The following PLA2G4A variants were observed in gnomAD, a reference collection of about 807,000 sequenced individuals.
The protein encoded by PLA2G4A is cytosolic phospholipase A2.
PLA2G4A carries 40 observed loss-of-function variants against 81.9 expected under a neutral mutation model. The ratio of observed to expected loss-of-function variants is 0.49; its 90% CI spans 0.38 to 0.64. PLA2G4A has a LOEUF of 0.64. PLA2G4A is among the 30% of genes least tolerant of loss of function. PLA2G4A has a pLI of 0.00. For synonymous variants in PLA2G4A, 302 were observed against 296.9 expected (o/e 1.02, Z -0.18); for missense variants, 715 against 905.1 (o/e 0.79, Z 2.69).
intron 5 of PLA2G4A, among the ~76,000 whole-genome samples, chr1:186,899,964 G>GTGAA (rs1250001637): frequency 6.6e-6 from 1 of 152,174 alleles, no homozygotes; most frequent in African/African-American, 2.4e-5. Context: ...CTGAATTACA[G>GTGAA]TGAATTCAGC....
intron 5 of PLA2G4A, among the ~76,000 whole-genome samples, chr1:186,902,559 T>C (rs1176289006): frequency 1.3e-5 from 2 of 152,142 alleles, no homozygotes; most frequent in African/African-American, 2.4e-5. Flanking sequence ...GTTTTTCTTA[T>C]TAATTGCACG....
At chr1:186,838,686 A>G (rs1338274513) in intron 1 of PLA2G4A, among the ~76,000 whole-genome samples, 3 of 152,050 alleles carry the variant, frequency 2.0e-5, no homozygotes, top group Non-Finnish European at 4.4e-5. Flanking sequence ...TGAAGTTCTG[A>G]ATGATTAACT....
chr1:186,880,060 A>G (rs1256426865), intron 3 of PLA2G4A, among the ~76,000 whole-genome samples: 1 of 151,974 alleles, frequency 6.6e-6, no homozygotes, highest in Non-Finnish European at 1.5e-5. Context: ...CCAGAATCAC[A>G]GAGCTGTTAT....
At chr1:186,942,919 C>A (rs575357070) in intron 10 of PLA2G4A, among the ~76,000 whole-genome samples, 5 of 152,128 alleles carry the variant, frequency 3.3e-5, no homozygotes, top group African/African-American at 7.2e-5. Flanking sequence ...TAGACAAAAT[C>A]ATTAAACATT....
intron 7 of PLA2G4A, among the ~76,000 whole-genome samples, chr1:186,930,772 C>T (rs1052470218): frequency 2.0e-5 from 3 of 152,114 alleles, no homozygotes; most frequent in East Asian, 1.9e-4. Flanking sequence ...CAATGCCCTT[C>T]GTAATCCTAT....
In PLA2G4A at chr1:186,907,173, A is replaced by G. The variant is rs12720548; in HGVS notation, c.416+171A>G. Among the ~76,000 whole-genome samples the G allele has an allele frequency of 2.9e-3, 441 of 152,266 alleles. 1 individual carries two copies. Among genetic ancestry groups the G allele is most frequent in the African/African-American group, 9.5e-3 (396 of 41,566 alleles). ...TGTTAATACCTACAAAATCTTTACA[A>G]ACATATTCTTATATTCATTATTCTT... is the stretch of plus-strand genomic sequence containing the variant. On this transcript the variant is annotated intron_variant, in intron 6 of 17. Transcript: ENST00000367466.
intron 7 of PLA2G4A, among the ~76,000 whole-genome samples, chr1:186,928,196 C>G (rs1388963963): frequency 6.6e-6 from 1 of 152,128 alleles, no homozygotes; most frequent in Admixed American, 6.6e-5. Flanking sequence ...AGACTGCACT[C>G]AGCAAGGTGG....
chr1:186,948,580 T>G (rs1218540987), intron 12 of PLA2G4A, among the ~76,000 whole-genome samples: 3 of 151,876 alleles, frequency 2.0e-5, no homozygotes, highest in Non-Finnish European at 2.9e-5. Flanking sequence ...TGTGCCCCTC[T>G]GTTGAATAAT....
At chr1:186,848,150 G>C (rs552216217) in intron 1 of PLA2G4A, among the ~76,000 whole-genome samples, 1 of 152,098 alleles carries the variant, frequency 6.6e-6, no homozygotes, top group African/African-American at 2.4e-5. Flanking sequence ...ATGCGTTTGT[G>C]CATGTCAGGG....
intron 7 of PLA2G4A, among the ~76,000 whole-genome samples, chr1:186,922,863 A>G (rs1437011870): frequency 6.6e-6 from 1 of 152,206 alleles, no homozygotes; most frequent in Non-Finnish European, 1.5e-5. Flanking sequence ...TCGATTGAGC[A>G]AGCAGGGGTT....
chr1:186,902,820 C>T (rs1374643932), intron 5 of PLA2G4A, among the ~76,000 whole-genome samples: 4 of 150,488 alleles, frequency 2.7e-5, no homozygotes, highest in Admixed American at 6.7e-5. Context: ...TCTCCCCTTG[C>T]TGACTCCTTT....
intron 2 of PLA2G4A, 25 bp downstream of exon 2, chr1:186,854,412 T>C: frequency 6.8e-7 from 1 of 1,473,400 alleles, no homozygotes; most frequent in South Asian, 1.1e-5. Flanking sequence ...GTTTATGAAT[T>C]CTTTCTTGGA....
At position 186,988,812 on chromosome 1, in the gene PLA2G4A, A is replaced by T. The variant is rs1193225745; in HGVS notation, c.*304A>T. The T allele has an allele frequency of 1.3e-5, 3 of 231,930 alleles. No individual in the cohort carries two copies. Among genetic ancestry groups the T allele is most frequent in the Non-Finnish European group, 2.6e-5 (3 of 115,014 alleles). The allele number at this position is 231,930 out of a possible 1,614,324, so 14.4% of individuals were successfully genotyped here. A position where few individuals can be genotyped will look rare whatever the true frequency, so the allele number is the denominator to read the frequency against. ...CAACTTTCTTATGTGTGTTCTTTTT[A>T]AAAATTTTTTTTCTTTTAAAATATT... is the stretch of plus-strand genomic sequence containing the variant. On this transcript the variant is annotated 3_prime_UTR_variant, in exon 18 of 18. Coordinates refer to ENST00000367466, the MANE Select transcript of PLA2G4A (RefSeq NM_024420.3).
chr1:186,980,186 G>A (rs12720696), intron 17 of PLA2G4A, among the ~76,000 whole-genome samples: 1,562 of 152,082 alleles, frequency 0.01, 32 homozygotes, highest in East Asian at 0.057. Flanking sequence ...TTACCCGCCC[G>A]CCTCGGCCTT....
rs147683069 is a variant in PLA2G4A at position 186,919,713 on chromosome 1, A to C, written c.558+8324A>C. Among the ~76,000 whole-genome samples, 873 of 152,294 alleles carry C rather than the reference A, an allele frequency of 5.7e-3. 7 individuals carry two copies. Among genetic ancestry groups the C allele is most frequent in the African/African-American group, 0.02 (828 of 41,556 alleles). ...GCTCTCAGGAGCTAGTCTGATGCTA[A>C]AGAAGGCATCTTTTAAGTCCAGACA... On this transcript the variant is annotated intron_variant, in intron 7 of 17. Coordinates refer to ENST00000367466, the MANE Select transcript of PLA2G4A (RefSeq NM_024420.3).
intron 2 of PLA2G4A, among the ~76,000 whole-genome samples, chr1:186,869,621 C>G (rs1653167729): frequency 6.6e-6 from 1 of 152,080 alleles, no homozygotes; most frequent in Non-Finnish European, 1.5e-5. Context: ...AGTATCTGAG[C>G]CTCTTTTTAA....
chr1:186,861,834 G>A (rs1652813079), intron 2 of PLA2G4A, among the ~76,000 whole-genome samples: 1 of 151,926 alleles, frequency 6.6e-6, no homozygotes, highest in Admixed American at 6.6e-5. Flanking sequence ...CTAGAATGTG[G>A]ATCTTCACTG....
intron 8 of PLA2G4A, among the ~76,000 whole-genome samples, chr1:186,937,362 A>C (rs1376379996): frequency 6.6e-6 from 1 of 151,792 alleles, no homozygotes; most frequent in Non-Finnish European, 1.5e-5. Context: ...ATCTTTTTTG[A>C]TTTGGATGAA....
chr1:186,889,700 A>G (rs1654066421), intron 3 of PLA2G4A, among the ~76,000 whole-genome samples: 1 of 152,160 alleles, frequency 6.6e-6, no homozygotes, highest in South Asian at 2.1e-4. Context: ...TTGGGGGGGA[A>G]ACCCAATCAA....
Sources: gnomAD v4.1 joint callset for allele counts (sites outside exome capture counted in the v4.1 genomes callset) on GRCh38, gnomAD v4.1.1 for gene constraint, MANE v1.5 for transcripts, NCBI Gene and HGNC (gene_info 2026-07-23, HGNC 2026-07-21) for gene names.